THRAP3: variants seen among roughly 807,000 people sequenced by gnomAD.
THRAP3 encodes the protein thyroid hormone receptor-associated protein 3.
In THRAP3, 16 loss-of-function variants were observed where a neutral mutation model predicts 101.0. That is an observed-to-expected ratio of 0.16 (90% CI 0.11 to 0.24). The LOEUF (loss-of-function observed/expected upper bound fraction) is 0.24, where lower values mean the gene tolerates loss of function less well. Among genes scored for constraint, THRAP3 ranks in the 10% least tolerant of loss-of-function variants. THRAP3 has a pLI of 1.00. For synonymous variants in THRAP3, 407 were observed against 422.6 expected, an observed-to-expected ratio of 0.96 and a Z score of 0.45; for missense variants, 989 against 1,202.7, an observed-to-expected ratio of 0.82 and a Z score of 2.63.
Position 36,305,245 on chromosome 1 carries a change from T to C in THRAP3, c.*1228T>C, listed in dbSNP as rs1646088472. The C allele has an allele frequency of 4.7e-6, 1 of 211,518 alleles. No homozygotes were observed. The highest frequency in any genetic ancestry group is 2.3e-5 in the African/African-American group (1 of 44,130). The allele number at this position is 211,518 out of a possible 1,614,324, so 13.1% of individuals were successfully genotyped here. On this transcript the variant is annotated 3_prime_UTR_variant, in exon 12 of 12. Coordinates refer to ENST00000354618, the MANE Select transcript of THRAP3 (RefSeq NM_005119.4). ...TTCCCCTTACTTTGCTACATTTCTA[T>C]AGTTAAGTTGGTTTTACTTGAATGA...
intron 1 of THRAP3, among the ~76,000 whole-genome samples, chr1:36,240,234 T>A (rs1303562908): frequency 6.6e-6 from 1 of 152,128 alleles, no homozygotes; most frequent in Admixed American, 6.6e-5. Flanking sequence ...GAGAAGCTGG[T>A]CACGTGGCTC....
intron 1 of THRAP3, among the ~76,000 whole-genome samples, chr1:36,239,291 G>A (rs1193713887): frequency 4.0e-5 from 5 of 124,934 alleles, no homozygotes; most frequent in South Asian, 5.2e-4. Flanking sequence ...TCAGCTTCTC[G>A]CTCTATTACC....
chr1:36,286,476 G>C lies in THRAP3; in HGVS notation c.246G>C (p.Arg82Ser). The change falls in exon 4 of 12, where the codon AGG becomes AGC. Residue 82 changes from arginine to serine, a missense_variant. Transcript: ENST00000354618. The surrounding 1 kb of genome is among the most constrained non-coding windows in gnomAD (Gnocchi z 5.5). ...DFRGHNRGYRRPYYFRGRNRG... is the reference protein window; with the variant it reads ...DFRGHNRGYRSPYYFRGRNRG... ...GAGGTCACAACAGAGGCTATAGAAG[G>C]CCCTATTATTTCCGTGGGCGTAACA... The C allele has an allele frequency of 6.2e-7, 1 of 1,614,132 alleles. No individual in the cohort carries two copies. Among genetic ancestry groups the C allele is most frequent in the Non-Finnish European group, 8.5e-7 (1 of 1,180,038 alleles).
rs7528622 is a variant in THRAP3 at position 36,259,015 on chromosome 1, T to C, written c.-134-367T>C. On this transcript the variant is annotated intron_variant, in intron 1 of 11. Coordinates refer to ENST00000354618, the MANE Select transcript of THRAP3 (RefSeq NM_005119.4). ...CCTTGAAATGCATTTGTTAAATTCATTTTAATATACTTCTGTTCATTGCTT... is the reference window on the plus strand; with the variant it reads ...CCTTGAAATGCATTTGTTAAATTCACTTTAATATACTTCTGTTCATTGCTT... Among the ~76,000 whole-genome samples, 1,190 of 152,372 alleles carry C rather than the reference T, an allele frequency of 7.8e-3. 7 individuals are homozygous for C. Among genetic ancestry groups the C allele is most frequent in the South Asian group, 0.022 (108 of 4,834 alleles).
intron 1 of THRAP3, among the ~76,000 whole-genome samples, chr1:36,252,304 T>C (rs1344048060): frequency 1.3e-5 from 2 of 152,164 alleles, no homozygotes; most frequent in Non-Finnish European, 2.9e-5. Context: ...TGTGTGCTTT[T>C]AGTAGAGACG....
chr1:36,258,726 G>A (rs1319956103), intron 1 of THRAP3, among the ~76,000 whole-genome samples: 2 of 152,176 alleles, frequency 1.3e-5, no homozygotes, highest in Non-Finnish European at 2.9e-5. Context: ...TGATCCGCCC[G>A]CCTTGGCCTC....
At chr1:36,238,521 A>G (rs1264067597) in intron 1 of THRAP3, among the ~76,000 whole-genome samples, 1 of 152,090 alleles carries the variant, frequency 6.6e-6, no homozygotes, top group Non-Finnish European at 1.5e-5. Context: ...GATACTGGAT[A>G]TTTATGATGA....
chr1:36,282,748 A>G (rs1645750470), intron 3 of THRAP3, 48 bp downstream of exon 3: 1 of 1,605,162 alleles, frequency 6.2e-7, no homozygotes, highest in African/African-American at 1.3e-5. Context: ...GCATCAGTCG[A>G]TGTGGATGTT....
Position 36,244,014 on chromosome 1 carries a change from C to CG in THRAP3, c.-134-15362dup, listed in dbSNP as rs551440908. Among the ~76,000 whole-genome samples, 998 of 138,774 alleles carry CG rather than the reference C, an allele frequency of 7.2e-3. 18 individuals carry two copies. The highest frequency in any genetic ancestry group is 0.025 in the African/African-American group (930 of 36,756). 91.0% of individuals were successfully genotyped at this position (138,774 alleles called of 152,430 possible). A position where few individuals can be genotyped will look rare whatever the true frequency, so the allele number is the denominator to read the frequency against. On this transcript the variant is annotated intron_variant, in intron 1 of 11. Coordinates refer to ENST00000354618, the MANE Select transcript of THRAP3 (RefSeq NM_005119.4). Reference sequence around the variant, plus strand: ...CTCCCGGACGGGGCGGCTGGCCGGGCGGGGGGCTGACCCCCCCACCTCCCT... The same window carrying CG: ...CTCCCGGACGGGGCGGCTGGCCGGGCGGGGGGGCTGACCCCCCCACCTCCCT...
At chr1:36,295,593 CTCCCTCCCTTCCTTCT>C (rs1244201690) in intron 8 of THRAP3, among the ~76,000 whole-genome samples, 1 of 151,608 alleles carries the variant, frequency 6.6e-6, no homozygotes, top group Non-Finnish European at 1.5e-5. Flanking sequence ...CCCTTCCTTC[CTCCCTCCCTTCCTTCT>C]TCCCTCCCTT....
the THRAP3 span, among the ~76,000 whole-genome samples, chr1:36,218,169 A>C: frequency 6.6e-6 from 1 of 151,204 alleles, no homozygotes; most frequent in African/African-American, 2.4e-5. Context: ...GTTCGAGACC[A>C]GCCTGGCCAA....
At chr1:36,228,279 A>G (rs1644985418) in intron 1 of THRAP3, among the ~76,000 whole-genome samples, 1 of 149,204 alleles carries the variant, frequency 6.7e-6, no homozygotes, top group African/African-American at 2.5e-5. Context: ...GTGCAATGGC[A>G]TGGTCTCGGC....
chr1:36,264,691 T>C (rs77675202), intron 2 of THRAP3, among the ~76,000 whole-genome samples: 16,282 of 152,294 alleles, frequency 0.11, 976 homozygotes, highest in Middle Eastern at 0.24. Context: ...TTGCTAGTTA[T>C]CTATCTCTTT....
chr1:36,278,374 G>A lies in THRAP3; in HGVS notation c.-31-4159G>A, dbSNP rs572371062. On this transcript the variant is annotated intron_variant, in intron 2 of 11. Coordinates refer to ENST00000354618, the MANE Select transcript of THRAP3 (RefSeq NM_005119.4). Reference sequence around the variant, plus strand: ...AGTCACTGCACCAGGCTTCAATCGGGTTTTGACCGTAAATGTAAGGATAAA... The same window carrying A: ...AGTCACTGCACCAGGCTTCAATCGGATTTTGACCGTAAATGTAAGGATAAA... Among the ~76,000 whole-genome samples, 5 of 152,192 alleles carry A rather than the reference G, an allele frequency of 3.3e-5. No homozygotes were observed. The East Asian group carries it at 9.6e-4, about 29-fold the overall frequency.
At chr1:36,240,929 G>A (rs1048108363) in intron 1 of THRAP3, among the ~76,000 whole-genome samples, 1 of 152,144 alleles carries the variant, frequency 6.6e-6, no homozygotes, top group South Asian at 2.1e-4. Flanking sequence ...CTTTTCGGCC[G>A]GGCGCAGTGG....
the THRAP3 span, among the ~76,000 whole-genome samples, chr1:36,212,418 CTTTTTTTTTTT>C: frequency 1.6e-5 from 2 of 122,048 alleles, no homozygotes; most frequent in African/African-American, 3.3e-5. Context: ...TTCTTTCTTT[CTTTTTTTTTTT>C]TTTTTTTTTG....
intron 1 of THRAP3, among the ~76,000 whole-genome samples, chr1:36,228,035 G>A (rs1020029238): frequency 2.8e-5 from 4 of 143,618 alleles, no homozygotes; most frequent in African/African-American, 5.3e-5. Context: ...GCCACCACAC[G>A]TGGCCTCTTT....
intron 4 of THRAP3, chr1:36,288,547 A>C: frequency 1.0e-6 from 1 of 985,454 alleles, no homozygotes; most frequent in Non-Finnish European, 1.2e-6. Context: ...TTGTGTTCAC[A>C]GTATATTTCG....
At chr1:36,264,661 T>TCA (rs1645489290) in intron 2 of THRAP3, among the ~76,000 whole-genome samples, 1 of 152,224 alleles carries the variant, frequency 6.6e-6, no homozygotes, top group African/African-American at 2.4e-5. Context: ...GCTTATTGTG[T>TCA]GTTGAGATTA....
Sources: allele counts gnomAD v4.1 joint callset (sites outside exome capture counted in the v4.1 genomes callset), GRCh38; gene constraint gnomAD v4.1.1; non-coding constraint Gnocchi (gnomAD v3.1); transcripts MANE v1.5; gene names NCBI Gene and HGNC (gene_info 2026-07-23, HGNC 2026-07-21).